Variants in SCUBE1 observed in about 807,000 individuals in gnomAD.
SCUBE1 encodes the protein signal peptide, CUB domain and EGF like domain containing 1.
Under a neutral mutation model 124.4 loss-of-function variants are expected in SCUBE1, and 59 were observed. That is an observed-to-expected ratio of 0.47 (90% CI 0.38 to 0.59). The LOEUF is 0.59. Ranked by LOEUF, SCUBE1 falls within the 20% of genes least tolerant of loss-of-function variation. The pLI, the probability that SCUBE1 is intolerant of heterozygous loss-of-function variation, is 0.00. For missense variants in SCUBE1, 1,150 were observed against 1,371.2 expected (o/e 0.84, Z 2.55); for synonymous variants, 545 against 550.9 (o/e 0.99, Z 0.15).
At chr22:43,273,592 G>T (rs577342280) in intron 4 of SCUBE1, among the ~76,000 whole-genome samples, 33 of 31,968 alleles carry the variant, frequency 1.0e-3, no homozygotes, top group Middle Eastern at 0.038. Context: ...TTTTGAGACA[G>T]AGTCTCACTC....
At chr22:43,204,930 C>T (rs1036321147) in intron 21 of SCUBE1, among the ~76,000 whole-genome samples, 2 of 144,720 alleles carry the variant, frequency 1.4e-5, no homozygotes, top group African/African-American at 5.2e-5. Context: ...GATGACAGAG[C>T]GAGACTGTCT....
rs1055037550 is a variant in SCUBE1 at position 43,231,852 on chromosome 22, T to C, written c.868A>G (p.Asn290Asp). The change falls in exon 8 of 22, where the codon AAC becomes GAC. Residue 290 changes from asparagine (N) to aspartate (D), a missense_variant. By Grantham distance (23) the Asn-to-Asp change is conservative. Transcript: ENST00000360835. ...CGGCAGAAGTGGTCGCAGCCTCCGT[T>C]GTTGACCAGGCACTCGTTGATGTCT... ...CKDINECLVN[N>D]GGCDHFCRNT... The C allele has an allele frequency of 6.2e-7, 1 of 1,613,520 alleles. No individual in the cohort carries two copies. Among genetic ancestry groups the C allele is most frequent in the Non-Finnish European group, 8.5e-7 (1 of 1,179,844 alleles).
Position 43,286,872 on chromosome 22 carries a change from A to G in SCUBE1, c.484+4174T>C, listed in dbSNP as rs561419796. 1.1e-4 allele frequency among the ~76,000 whole-genome samples: 17 copies of G among 152,344 alleles called. 1 individual carries two copies. The highest frequency in any genetic ancestry group is 4.1e-4 in the African/African-American group (17 of 41,570). On this transcript the variant is annotated intron_variant, in intron 4 of 21. Transcript: ENST00000360835. ...CTTCCAGAACCCTTTCTACTCCCGG[A>G]TCGATTCTGGTCAGAATTCTACATT...
chr22:43,257,747 T>C (rs987292154), intron 6 of SCUBE1, among the ~76,000 whole-genome samples: 3 of 152,342 alleles, frequency 2.0e-5, no homozygotes, highest in Admixed American at 6.5e-5. Flanking sequence ...AACCTCTTAG[T>C]TTTCCAGACG....
At chr22:43,212,669 C>T in intron 16 of SCUBE1, 77 bp from the exon 17 acceptor site, 1 of 1,451,528 alleles carries the variant, frequency 6.9e-7, no homozygotes, top group Non-Finnish European at 9.2e-7. Flanking sequence ...TCAGGCCCCG[C>T]TCTTGGCCCT....
chr22:43,337,288 G>A (rs915126936), intron 2 of SCUBE1, among the ~76,000 whole-genome samples: 1 of 152,130 alleles, frequency 6.6e-6, no homozygotes, highest in Non-Finnish European at 1.5e-5. Context: ...AGGGAAACAG[G>A]TAAGGCCTCC....
chr22:43,317,111 C>T (rs1926375584), intron 3 of SCUBE1: 1 of 152,120 alleles, frequency 6.6e-6, no homozygotes, highest in South Asian at 2.1e-4. Flanking sequence ...TGAAGCATTC[C>T]TAAGGAAACG....
At chr22:43,288,660 G>A (rs571038445) in intron 4 of SCUBE1, among the ~76,000 whole-genome samples, 5 of 152,312 alleles carry the variant, frequency 3.3e-5, no homozygotes, top group South Asian at 2.1e-4. Flanking sequence ...TGCACCACCC[G>A]TTTCTTTCCT....
intron 6 of SCUBE1, among the ~76,000 whole-genome samples, chr22:43,256,983 C>T (rs904948648): frequency 6.6e-6 from 1 of 152,200 alleles, no homozygotes; most frequent in Non-Finnish European, 1.5e-5. Context: ...AGTTATCAGA[C>T]AAGACAGGCA....
intron 1 of SCUBE1, among the ~76,000 whole-genome samples, chr22:43,341,424 C>A (rs562430839): frequency 6.6e-6 from 1 of 152,314 alleles, no homozygotes; most frequent in African/African-American, 2.4e-5. Flanking sequence ...GAGACAGGAC[C>A]AGCAGGGGCA....
chr22:43,280,418 T>TCCCGTCCCTTCCCCTCACCCATCCC (rs1924729294), intron 4 of SCUBE1, among the ~76,000 whole-genome samples: 1 of 44,026 alleles, frequency 2.3e-5, no homozygotes, highest in African/African-American at 1.1e-4. Flanking sequence ...TCACCCATCC[T>TCCCGTCCCTTCCCCTCACCCATCCC]CCTGTCCCTT....
At chr22:43,269,950 G>A (rs1037364366) in intron 4 of SCUBE1, among the ~76,000 whole-genome samples, 3 of 152,256 alleles carry the variant, frequency 2.0e-5, no homozygotes, top group African/African-American at 7.2e-5. Flanking sequence ...CTGCCTGTGC[G>A]CCAGGCCTAC....
intron 3 of SCUBE1, among the ~76,000 whole-genome samples, chr22:43,308,693 C>T (rs182688122): frequency 6.6e-6 from 1 of 152,336 alleles, no homozygotes; most frequent in East Asian, 1.9e-4. Flanking sequence ...TCTGGGCACT[C>T]GCCGGTGACT....
At chr22:43,221,039 T>TA (rs2146668078) in intron 13 of SCUBE1, 134 bp downstream of exon 13, 2 of 641,640 alleles carry the variant, frequency 3.1e-6, no homozygotes, top group East Asian at 5.4e-5. Context: ...TCTCATTCAA[T>TA]AAACAGCTGC....
At chr22:43,256,680 G>C (rs954657647) in intron 6 of SCUBE1, among the ~76,000 whole-genome samples, 4 of 152,382 alleles carry the variant, frequency 2.6e-5, no homozygotes, top group African/African-American at 9.6e-5. Context: ...CACAGGCTGG[G>C]TGCGTCTGGC....
chr22:43,217,159 C>T (rs1262263662), intron 15 of SCUBE1, among the ~76,000 whole-genome samples: 1 of 143,634 alleles, frequency 7.0e-6, no homozygotes, highest in Admixed American at 6.8e-5. Flanking sequence ...CTTCCCTCCT[C>T]CCCCGCCAGG....
intron 4 of SCUBE1, among the ~76,000 whole-genome samples, chr22:43,281,696 T>C (rs1924918679): frequency 6.6e-6 from 1 of 152,134 alleles, no homozygotes; most frequent in Non-Finnish European, 1.5e-5. Context: ...GCTGTCCCCA[T>C]ATGGGTTCCA....
intron 2 of SCUBE1, among the ~76,000 whole-genome samples, chr22:43,335,556 A>G (rs1927035203): frequency 6.6e-6 from 1 of 152,196 alleles, no homozygotes; most frequent in Middle Eastern, 3.2e-3. Flanking sequence ...TGCTACCCTA[A>G]GTCTGTTATC....
At chr22:43,272,828 A>G (rs181352647) in intron 4 of SCUBE1, among the ~76,000 whole-genome samples, 2 of 152,308 alleles carry the variant, frequency 1.3e-5, no homozygotes, top group Admixed American at 1.3e-4. Context: ...CGCCTTGGAG[A>G]GCATCTAGGT....
Sources: allele counts gnomAD v4.1 joint callset (sites outside exome capture counted in the v4.1 genomes callset), GRCh38; gene constraint gnomAD v4.1.1; transcripts MANE v1.5; gene names NCBI Gene and HGNC (gene_info 2026-07-23, HGNC 2026-07-21).